HEATR5A: variants seen among roughly 807,000 people sequenced by gnomAD.
HEATR5A encodes the protein HEAT repeat-containing protein 5A.
HEATR5A carries 178 observed loss-of-function variants against 218.8 expected under a neutral mutation model. The ratio of observed to expected loss-of-function variants is 0.81; its 90% CI spans 0.72 to 0.92. HEATR5A has a LOEUF of 0.92. Ranked by LOEUF, HEATR5A falls within the 40% of genes least tolerant of loss-of-function variation. The probability of loss-of-function intolerance (pLI) is 0.00; values close to 1 mark genes in which losing one functional copy is unlikely to be tolerated. For missense variants in HEATR5A, 2,420 were observed against 2,418.9 expected, an observed-to-expected ratio of 1.00 and a Z score of -0.01; for synonymous variants, 864 against 871.6, an observed-to-expected ratio of 0.99 and a Z score of 0.15.
chr14:31,353,765 A>T (rs2139222344), intron 16 of HEATR5A, among the ~76,000 whole-genome samples: 1 of 151,940 alleles, frequency 6.6e-6, no homozygotes, highest in African/African-American at 2.4e-5. Context: ...AAACAAGAAA[A>T]GTTTTCTGCC....
chr14:31,385,015 A>C (rs538383407), intron 9 of HEATR5A, among the ~76,000 whole-genome samples: 1 of 152,232 alleles, frequency 6.6e-6, no homozygotes, highest in South Asian at 2.1e-4. Context: ...GAAACATGTA[A>C]GTTTCATGTC....
chr14:31,414,042 C>T (rs75599595), intron 1 of HEATR5A, among the ~76,000 whole-genome samples: 1,638 of 152,282 alleles, frequency 0.011, 25 homozygotes, highest in African/African-American at 0.037. Context: ...GACGGCAAAT[C>T]AATAAGTACT....
In HEATR5A at chr14:31,309,168, T is replaced by C; in HGVS notation, c.4456A>G (p.Thr1486Ala). 5 of 1,613,536 alleles carry C rather than the reference T, an allele frequency of 3.1e-6. No individual in the cohort carries two copies. Among genetic ancestry groups the C allele is most frequent in the Non-Finnish European group, 4.2e-6 (5 of 1,179,506 alleles). Residue 1486 changes from threonine to alanine, a missense_variant, in exon 29 of 36, where the codon ACA (threonine) becomes GCA (alanine). Thr to Ala is a moderately conservative substitution (Grantham distance 58, BLOSUM62 0). Transcript: ENST00000543095. The part of the protein sequence containing the change: ...QLPAEGGAFY[T>A]AETSENAKLH... Reference sequence around the variant, plus strand: ...TTTGCATTTTCACTAGTCTCTGCTGTGTAGAAAGCACCACCTAAAGCAAAC... The same window carrying C: ...TTTGCATTTTCACTAGTCTCTGCTGCGTAGAAAGCACCACCTAAAGCAAAC...
chr14:31,335,717 A>G (rs544400770), intron 22 of HEATR5A, among the ~76,000 whole-genome samples: 1 of 152,172 alleles, frequency 6.6e-6, no homozygotes, highest in South Asian at 2.1e-4. Flanking sequence ...GCAGTGGTGC[A>G]ATTTCGGCCC....
At chr14:31,378,880 C>T (rs2029877866) in intron 11 of HEATR5A, among the ~76,000 whole-genome samples, 1 of 151,326 alleles carries the variant, frequency 6.6e-6, no homozygotes, top group South Asian at 2.1e-4. Context: ...GGTCAAATTA[C>T]TTTATAGGTG....
chr14:31,379,752 G>A (rs986310921), intron 11 of HEATR5A, among the ~76,000 whole-genome samples: 1 of 152,118 alleles, frequency 6.6e-6, no homozygotes, highest in Admixed American at 6.5e-5. Context: ...CCACAAGTTC[G>A]AGACGAGCCT....
intron 14 of HEATR5A, among the ~76,000 whole-genome samples, chr14:31,360,316 T>C (rs1267294538): frequency 6.6e-6 from 1 of 152,204 alleles, no homozygotes; most frequent in Admixed American, 6.5e-5. Context: ...GCCCCTGGTA[T>C]AGCTTAATTT....
chr14:31,337,152 G>A (rs1324928949), intron 22 of HEATR5A, among the ~76,000 whole-genome samples: 4 of 152,124 alleles, frequency 2.6e-5, no homozygotes, highest in Admixed American at 6.5e-5. Context: ...ACTAACATAG[G>A]GACTGTAAAA....
chr14:31,387,907 G>C (rs1194562269), intron 7 of HEATR5A, among the ~76,000 whole-genome samples: 1 of 152,058 alleles, frequency 6.6e-6, no homozygotes, highest in Non-Finnish European at 1.5e-5. Context: ...TTACCCTCCT[G>C]TTTTATTTTG....
At chr14:31,374,430 G>A (rs1048917301) in intron 12 of HEATR5A, among the ~76,000 whole-genome samples, 2 of 151,978 alleles carry the variant, frequency 1.3e-5, no homozygotes, top group African/African-American at 2.4e-5. Context: ...ACTTCGAGGC[G>A]CATTGGCATC....
At chr14:31,316,062 C>G in intron 26 of HEATR5A, 113 bp from the exon 27 acceptor site, 1 of 753,202 alleles carries the variant, frequency 1.3e-6, no homozygotes, top group Non-Finnish European at 2.0e-6. Context: ...GCAGGCAGAT[C>G]GCTTGAGCCC....
At chr14:31,405,147 G>A (rs947084671) in intron 1 of HEATR5A, among the ~76,000 whole-genome samples, 3 of 149,050 alleles carry the variant, frequency 2.0e-5, no homozygotes, top group Admixed American at 6.7e-5. Context: ...GAATATAAAC[G>A]ATGTGACCAG....
chr14:31,319,865 T>C (rs1900032108), intron 25 of HEATR5A, among the ~76,000 whole-genome samples: 1 of 151,926 alleles, frequency 6.6e-6, no homozygotes, highest in African/African-American at 2.4e-5. Context: ...CGCAACATGG[T>C]AAAACCCTGT....
intron 28 of HEATR5A, among the ~76,000 whole-genome samples, chr14:31,312,183 T>A (rs1218287771): frequency 6.6e-6 from 1 of 152,122 alleles, no homozygotes; most frequent in African/African-American, 2.4e-5. Flanking sequence ...CTAAATCTTT[T>A]GAAGAGAAAC....
intron 3 of HEATR5A, 74 bp from the exon 4 acceptor site, chr14:31,398,855 G>C (rs1438368776): frequency 7.5e-6 from 6 of 803,286 alleles, no homozygotes; most frequent in Non-Finnish European, 1.2e-5. Flanking sequence ...GATATGTAAG[G>C]ATAACTGTTG....
At chr14:31,306,179 G>T (rs1054006883) in intron 31 of HEATR5A, among the ~76,000 whole-genome samples, 1 of 152,144 alleles carries the variant, frequency 6.6e-6, no homozygotes, top group Non-Finnish European at 1.5e-5. Context: ...TGAATGAGAA[G>T]ATTTAAAACC....
chr14:31,344,383 TTC>T, intron 20 of HEATR5A, among the ~76,000 whole-genome samples: 1 of 150,808 alleles, frequency 6.6e-6, no homozygotes, highest in Non-Finnish European at 1.5e-5. Context: ...GTTCAAGTGA[TTC>T]TCCTGCCTCC....
chr14:31,381,864 C>T (rs2029998903), intron 10 of HEATR5A, among the ~76,000 whole-genome samples: 1 of 152,182 alleles, frequency 6.6e-6, no homozygotes, highest in African/African-American at 2.4e-5. Flanking sequence ...TATGCTTACA[C>T]AGTACAAGGC....
Position 31,350,665 on chromosome 14 carries a change from G to T in HEATR5A, c.2464C>A (p.Arg822Ser), listed in dbSNP as rs761037826. 50 of 1,602,796 alleles carry T rather than the reference G, an allele frequency of 3.1e-5. No individual in the cohort carries two copies. The highest frequency in any genetic ancestry group is 3.8e-5 in the Non-Finnish European group (44 of 1,173,100). ...LDSIKHTKGA[R>S]QQVVQLHVVS... Reference sequence around the variant, plus strand: ...ACATGTAACTGAACCACTTGCTGACGAGCTCCTTTTGTGTGCTTTATACTG... The same window carrying T: ...ACATGTAACTGAACCACTTGCTGACTAGCTCCTTTTGTGTGCTTTATACTG... Residue 822 changes from arginine (R) to serine (S), a missense_variant, in exon 17 of 36, where the codon CGT (arginine) becomes AGT (serine). By Grantham distance (110) the Arg-to-Ser change is moderately radical. Transcript: ENST00000543095.
Sources: gnomAD v4.1 joint callset for allele counts (sites outside exome capture counted in the v4.1 genomes callset) on GRCh38, gnomAD v4.1.1 for gene constraint, MANE v1.5 for transcripts, NCBI Gene and HGNC (gene_info 2026-07-23, HGNC 2026-07-21) for gene names.